NOTCH4: variants seen among roughly 807,000 people sequenced by gnomAD.
The protein encoded by NOTCH4 is notch receptor 4, also known as neurogenic locus notch homolog protein 4.
Under a neutral mutation model 189.0 loss-of-function variants are expected in NOTCH4, and 138 were observed. The ratio of observed to expected loss-of-function variants is 0.73; its 90% confidence interval spans 0.64 to 0.84. NOTCH4 has a LOEUF of 0.84. NOTCH4 is among the 40% of genes least tolerant of loss of function. The probability of loss-of-function intolerance (pLI) is 0.00; values close to 1 mark genes in which losing one functional copy is unlikely to be tolerated. For missense variants in NOTCH4, 2,286 were observed against 2,605.4 expected, an observed-to-expected ratio of 0.88 and a Z score of 2.67; for synonymous variants, 942 against 1,032.8, an observed-to-expected ratio of 0.91 and a Z score of 1.69.
rs536683907 is a variant in NOTCH4 at position 32,210,975 on chromosome 6, G to C, written c.2681-39C>G. The C allele has an allele frequency of 1.8e-5, 27 of 1,525,920 alleles. No individual in the cohort carries two copies. The highest frequency in any genetic ancestry group is 1.3e-5 in the Non-Finnish European group (15 of 1,136,962). 94.5% of individuals were successfully genotyped at this position (1,525,920 alleles called of 1,614,324 possible). On this transcript the variant is annotated intron_variant, in intron 17 of 29. Transcript: ENST00000375023. This position sits in a 1 kb window ranked among gnomAD's most constrained non-coding sequence, Gnocchi z 4.8. ...CAAACAGGGATATACAAAGATAAGTGGGGGGCCGGGCGCCATGGCTTACGC... is the reference window on the plus strand; with the variant it reads ...CAAACAGGGATATACAAAGATAAGTCGGGGGCCGGGCGCCATGGCTTACGC...
rs1197648143 is a variant in NOTCH4 at position 32,203,772 on chromosome 6, T to C, written c.3229A>G (p.Lys1077Glu). The change falls in exon 20 of 30, where the codon AAG (lysine) becomes GAG (glutamate). Residue 1077 changes from lysine (K) to glutamate (E), a missense_variant and splice_region_variant. Around this residue, in one of 2 missense-constraint regions of NOTCH4, gnomAD observed 1,903 missense variants for 2,261.9 expected, o/e 0.84. Coordinates refer to ENST00000375023, the MANE Select transcript of NOTCH4 (RefSeq NM_004557.4). ...SPLGFICHCP[K>E]GFEGPTCSHR... Reference sequence around the variant, plus strand: ...AAGGCAGATTTGTGGTCACTTGCCTTGGGGCAGTGGCAGATGAAACCCAGG... The same window carrying C: ...AAGGCAGATTTGTGGTCACTTGCCTCGGGGCAGTGGCAGATGAAACCCAGG... 3.2e-6 allele frequency: 5 copies of C among 1,552,712 alleles called. No homozygotes were observed. The Admixed American group carries it at 9.8e-5, about 31-fold the overall frequency.
intron 3 of NOTCH4, among the ~76,000 whole-genome samples, chr6:32,222,049 C>T (rs1411512723): frequency 2.0e-5 from 3 of 152,116 alleles, no homozygotes; most frequent in African/African-American, 4.8e-5. Flanking sequence ...CTGGGGCGGC[C>T]CCCAATCCAC....
intron 7 of NOTCH4, 124 bp from the exon 8 acceptor site, chr6:32,219,910 G>A (rs751720057): frequency 4.5e-5 from 40 of 890,074 alleles, no homozygotes; most frequent in Admixed American, 8.1e-5. Flanking sequence ...GAAGGGGCTT[G>A]TGTCTTTAAG....
At chr6:32,216,785 G>T in intron 11 of NOTCH4, 160 bp downstream of exon 11, 1 of 912,040 alleles carries the variant, frequency 1.1e-6, no homozygotes, top group Non-Finnish European at 1.8e-6. Context: ...TTGTCCCCAT[G>T]GTTGTACAAT....
In NOTCH4 at chr6:32,220,741, G is replaced by C. The variant is rs201261317; in HGVS notation, c.922+15C>G. ...CTGGGCCATGGGTGTCATGGATGTG[G>C]CTTAAACAACTCACCTGTCCAGGTT... On this transcript the variant is annotated intron_variant, in intron 5 of 29. Coordinates refer to ENST00000375023, the MANE Select transcript of NOTCH4 (RefSeq NM_004557.4). The C allele has an allele frequency of 6.2e-7, 1 of 1,613,758 alleles. No homozygotes were observed. Among genetic ancestry groups the C allele is most frequent in the Admixed American group, 1.7e-5 (1 of 60,004 alleles).
In NOTCH4 at chr6:32,198,839, G is replaced by C; in HGVS notation, c.4535+87C>G. On this transcript the variant is annotated intron_variant, in intron 24 of 29. Coordinates refer to ENST00000375023, the MANE Select transcript of NOTCH4 (RefSeq NM_004557.4). The surrounding 1 kb of genome is among the most constrained non-coding windows in gnomAD (Gnocchi z 5.5). ...TCTCCTTCCCCTATCTTTGACTTCTGCAATAGTATTTCTTATCTTTTCTGA... is the reference window on the plus strand; with the variant it reads ...TCTCCTTCCCCTATCTTTGACTTCTCCAATAGTATTTCTTATCTTTTCTGA... 1 of 1,456,008 alleles carries C rather than the reference G, an allele frequency of 6.9e-7. No individual in the cohort carries two copies. The highest frequency in any genetic ancestry group is 9.3e-7 in the Non-Finnish European group (1 of 1,074,896). The allele number at this position is 1,456,008 out of a possible 1,614,324, so 90.2% of individuals were successfully genotyped here.
intron 8 of NOTCH4, among the ~76,000 whole-genome samples, chr6:32,219,116 G>A (rs1358934014): frequency 6.6e-6 from 1 of 152,140 alleles, no homozygotes; most frequent in African/African-American, 2.4e-5. Context: ...GGTGGGTGCT[G>A]TCTTGCAGCA....
Position 32,219,728 on chromosome 6 carries a change from G to A in NOTCH4, c.1374C>T (p.Ser458=). 1 of 1,613,092 alleles carries A rather than the reference G, an allele frequency of 6.2e-7. No homozygotes were observed. The highest frequency in any genetic ancestry group is 1.7e-4 in the Middle Eastern group (1 of 6,056). ...AGCCAGGTGGACAGAGGCAGTTGAA[G>A]GAGCCAGGAGTGTTGAGGCAGGAAC... is the stretch of plus-strand genomic sequence containing the variant. ...HGGSCLNTPG[S]FNCLCPPGYT... Residue 458 remains serine, a synonymous_variant, in exon 8 of 30, where the codon TCC becomes TCT. Coordinates refer to ENST00000375023, the MANE Select transcript of NOTCH4 (RefSeq NM_004557.4).
Position 32,196,148 on chromosome 6 carries a change from C to G in NOTCH4, c.5301G>C (p.Glu1767Asp). The change falls in exon 30 of 30, where the codon GAG becomes GAC. Residue 1767 changes from glutamate to aspartate, a missense_variant and splice_region_variant. Around this residue, in one of 2 missense-constraint regions of NOTCH4, gnomAD observed 383 missense variants for 343.5 expected, o/e 1.11. Coordinates refer to ENST00000375023, the MANE Select transcript of NOTCH4 (RefSeq NM_004557.4). ...GADKDAQDNR[E>D]QTPLFLAARE... The stretch of plus-strand genomic sequence containing the variant: ...GCGCCGCCAGGAATAGCGGCGTCTG[C>G]TCCTGTACAGAAGAGCCAGGGCCGA... 1 of 1,590,260 alleles carries G rather than the reference C, an allele frequency of 6.3e-7. No individual in the cohort carries two copies. The highest frequency in any genetic ancestry group is 8.5e-7 in the Non-Finnish European group (1 of 1,174,568).
Position 32,217,015 on chromosome 6 carries a change from T to G in NOTCH4, c.1791A>C (p.Pro597=), listed in dbSNP as rs754588331. The part of the protein sequence containing the change: ...QTEVDECLSD[P]CPVGASCLDL... The stretch of plus-strand genomic sequence containing the variant: ...CAAGGCAGCTGGCTCCAACGGGACA[T>G]GGGTCACTCAGGCACTCATCCACCT... Residue 597 remains proline, a synonymous_variant, in exon 11 of 30, where the codon CCA becomes CCC. Coordinates refer to ENST00000375023, the MANE Select transcript of NOTCH4 (RefSeq NM_004557.4). This position sits in a 1 kb window ranked among gnomAD's most constrained non-coding sequence, Gnocchi z 4.2. 121 of 1,612,906 alleles carry G rather than the reference T, an allele frequency of 7.5e-5. 1 individual carries two copies. The South Asian group carries it at 1.3e-3, about 17-fold the overall frequency.
chr6:32,202,672 G>C lies in NOTCH4; in HGVS notation c.3232-73C>G. 7.3e-7 allele frequency: 1 copy of C among 1,377,506 alleles called. No homozygotes were observed. The highest frequency in any genetic ancestry group is 2.7e-5 in the Admixed American group (1 of 36,900). The allele number at this position is 1,377,506 out of a possible 1,614,324, so 85.3% of individuals were successfully genotyped here. A position where few individuals can be genotyped will look rare whatever the true frequency, so the allele number is the denominator to read the frequency against. ...CCCGCTCTCCATCAAGCAAACTCTT[G>C]GGTTAAGACGGTGCAGAGGGTCCTA... On this transcript the variant is annotated intron_variant, in intron 20 of 29. Coordinates refer to ENST00000375023, the MANE Select transcript of NOTCH4 (RefSeq NM_004557.4). This position sits in a 1 kb window ranked among gnomAD's most constrained non-coding sequence, Gnocchi z 5.7.
In NOTCH4 at chr6:32,210,633, G is replaced by A. The variant is rs1788950051; in HGVS notation, c.2865+119C>T. ...GACTTTGTGGTTAGTTGGGTGTGTG[G>A]GGTTAAAAAAAATAAAAGGAGGTGA... On this transcript the variant is annotated intron_variant, in intron 18 of 29. Transcript: ENST00000375023. The surrounding 1 kb of genome is among the most constrained non-coding windows in gnomAD (Gnocchi z 4.8). The A allele has an allele frequency of 1.0e-6, 1 of 962,382 alleles. No individual in the cohort carries two copies. Among genetic ancestry groups the A allele is most frequent in the Admixed American group, 2.1e-5 (1 of 47,162 alleles). 59.6% of individuals were successfully genotyped at this position (962,382 alleles called of 1,614,324 possible).
Position 32,202,691 on chromosome 6 carries a change from G to A in NOTCH4, c.3232-92C>T. 1 of 1,218,072 alleles carries A rather than the reference G, an allele frequency of 8.2e-7. No individual in the cohort carries two copies. The highest frequency in any genetic ancestry group is 1.7e-5 in the South Asian group (1 of 60,090). The allele number at this position is 1,218,072 out of a possible 1,614,324, so 75.5% of individuals were successfully genotyped here. A position where few individuals can be genotyped will look rare whatever the true frequency, so the allele number is the denominator to read the frequency against. ...ACTCTTGGGTTAAGACGGTGCAGAG[G>A]GTCCTAGATTCTCATATCTAAAAGG... On this transcript the variant is annotated intron_variant, in intron 20 of 29. Transcript: ENST00000375023. The surrounding 1 kb of genome is among the most constrained non-coding windows in gnomAD (Gnocchi z 5.7).
In NOTCH4 at chr6:32,220,505, C is replaced by A. The variant is rs2127487420; in HGVS notation, c.1059G>T (p.Glu353Asp). ...CVSGWGGTSC[E>D]ENLDDCIAAT... Reference sequence around the variant, plus strand: ...CAGCAATACAGTCATCCAGGTTCTCCTCACAGCTTGTGCCGCCCCAGCCAC... The same window carrying A: ...CAGCAATACAGTCATCCAGGTTCTCATCACAGCTTGTGCCGCCCCAGCCAC... The change falls in exon 6 of 30, where the codon GAG becomes GAT. Residue 353 changes from glutamate (E) to aspartate (D), a missense_variant. Around this residue, in one of 2 missense-constraint regions of NOTCH4, gnomAD observed 1,903 missense variants for 2,261.9 expected, o/e 0.84. Transcript: ENST00000375023. 1 of 1,613,564 alleles carries A rather than the reference C, an allele frequency of 6.2e-7. No individual in the cohort carries two copies. Among genetic ancestry groups the A allele is most frequent in the Non-Finnish European group, 8.5e-7 (1 of 1,180,026 alleles).
rs1416210449 is a variant in NOTCH4 at position 32,215,264 on chromosome 6, A to T, written c.1983T>A (p.Pro661=). The T allele has an allele frequency of 6.2e-7, 1 of 1,605,318 alleles. No individual in the cohort carries two copies. The highest frequency in any genetic ancestry group is 1.3e-5 in the African/African-American group (1 of 74,910). Residue 661 remains proline, a synonymous_variant, in exon 12 of 30, where the codon CCT becomes CCA. Transcript: ENST00000375023. ...CGTGGTGGCAGGTGCAGTTGTCCTC[A>T]GGTGGGGCACAGCCAGGGCTTCCAT... ...CPDGSPGCAP[P]EDNCTCHHGH...
rs1188481978 is a variant in NOTCH4 at position 32,219,457 on chromosome 6, G to C, written c.1510+135C>G. 5 of 794,462 alleles carry C rather than the reference G, an allele frequency of 6.3e-6. No homozygotes were observed. In the South Asian group the frequency reaches 9.1e-5, roughly 14 times the overall value. The allele number at this position is 794,462 out of a possible 1,614,324, so 49.2% of individuals were successfully genotyped here. ...CTTGGGTGTCCCTGAGTTTTCGTCTGGGGGTAGAGAGAGAAGCATCTGTGG... is the reference window on the plus strand; with the variant it reads ...CTTGGGTGTCCCTGAGTTTTCGTCTCGGGGTAGAGAGAGAAGCATCTGTGG... On this transcript the variant is annotated intron_variant, in intron 8 of 29. Coordinates refer to ENST00000375023, the MANE Select transcript of NOTCH4 (RefSeq NM_004557.4).
rs985595971 is a variant in NOTCH4 at position 32,210,288 on chromosome 6, G to T, written c.2865+464C>A. ...CATGTTGCTGGAGCAGAGAGTAGAAGGGTGGGATGGGGAGAGCTGAGGCCT... is the reference window on the plus strand; with the variant it reads ...CATGTTGCTGGAGCAGAGAGTAGAATGGTGGGATGGGGAGAGCTGAGGCCT... On this transcript the variant is annotated intron_variant, in intron 18 of 29. Coordinates refer to ENST00000375023, the MANE Select transcript of NOTCH4 (RefSeq NM_004557.4). This position sits in a 1 kb window ranked among gnomAD's most constrained non-coding sequence, Gnocchi z 4.8. Among the ~76,000 whole-genome samples the T allele has an allele frequency of 3.3e-5, 5 of 152,188 alleles. No homozygotes were observed. Among genetic ancestry groups the T allele is most frequent in the Non-Finnish European group, 5.9e-5 (4 of 68,030 alleles).
rs1246716272 is a variant in NOTCH4 at position 32,194,908 on chromosome 6, CTAG to C, written c.*526_*528del. ...GGTTCTTAAATAGCGATAGCAGTGG[CTAG>C]AAGAAGCGCTTCATCCCCACAGTGG... is the stretch of plus-strand genomic sequence containing the variant. On this transcript the variant is annotated 3_prime_UTR_variant, in exon 30 of 30. Transcript: ENST00000375023. The surrounding 1 kb of genome is among the most constrained non-coding windows in gnomAD (Gnocchi z 4.5). 8.5e-6 allele frequency: 2 copies of C among 234,090 alleles called. No homozygotes were observed. Among genetic ancestry groups the C allele is most frequent in the Non-Finnish European group, 1.7e-5 (2 of 118,694 alleles). 14.5% of individuals were successfully genotyped at this position (234,090 alleles called of 1,614,324 possible).
At chr6:32,196,900 A>G (rs780285010) in intron 28 of NOTCH4, 25 bp downstream of exon 28, 1 of 1,612,498 alleles carries the variant, frequency 6.2e-7, no homozygotes, top group South Asian at 1.1e-5. Flanking sequence ...TCTCTATAGC[A>G]TACATCACCC....
Sources: gnomAD v4.1 joint callset for allele counts (sites outside exome capture counted in the v4.1 genomes callset) on GRCh38, gnomAD v4.1.1 for gene constraint, gnomAD v4.1.1 regional missense constraint, Gnocchi (gnomAD v3.1) non-coding constraint, MANE v1.5 for transcripts, NCBI Gene and HGNC (gene_info 2026-07-23, HGNC 2026-07-21) for gene names.